Variants in KCNH5 observed in about 807,000 individuals in gnomAD.
KCNH5 encodes voltage-gated delayed rectifier potassium channel KCNH5.
KCNH5 carries 46 observed loss-of-function variants against 96.1 expected under a neutral mutation model. That is an observed-to-expected ratio of 0.48 (90% CI 0.38 to 0.61). KCNH5 has a LOEUF of 0.61. Among genes scored for constraint, KCNH5 ranks in the 20% least tolerant of loss-of-function variants. The probability of loss-of-function intolerance (pLI) is 0.00; values close to 1 mark genes in which losing one functional copy is unlikely to be tolerated. For synonymous variants in KCNH5, 439 were observed against 449.8 expected (o/e 0.98, Z 0.30); for missense variants, 907 against 1,225.8 (o/e 0.74, Z 3.88).
intron 6 of KCNH5, among the ~76,000 whole-genome samples, chr14:62,979,148 C>T (rs1459137994): frequency 6.6e-6 from 1 of 151,938 alleles, no homozygotes; most frequent in East Asian, 1.9e-4. Flanking sequence ...ATCTTTAGGC[C>T]TATACTCTAA....
chr14:62,876,407 G>A (rs180951496), intron 7 of KCNH5, among the ~76,000 whole-genome samples: 36 of 152,216 alleles, frequency 2.4e-4, no homozygotes, highest in Admixed American at 6.5e-4. Flanking sequence ...GAAAGGTGAC[G>A]TATAGTTTAC....
chr14:62,817,678 A>G (rs1443344086), intron 8 of KCNH5, among the ~76,000 whole-genome samples: 1 of 145,632 alleles, frequency 6.9e-6, no homozygotes, highest in Non-Finnish European at 1.5e-5. Context: ...ACTGCCATGG[A>G]AAATTCTAGG....
intron 8 of KCNH5, among the ~76,000 whole-genome samples, chr14:62,808,636 C>A (rs905310442): frequency 6.6e-6 from 1 of 151,972 alleles, no homozygotes; most frequent in Non-Finnish European, 1.5e-5. Context: ...TGGTGTTTTG[C>A]TTTCTTTGGA....
In KCNH5 at chr14:62,845,821, G is replaced by T. The variant is rs937641665; in HGVS notation, c.1569+3832C>A. On this transcript the variant is annotated intron_variant, in intron 8 of 10. Coordinates refer to ENST00000322893, the MANE Select transcript of KCNH5 (RefSeq NM_139318.5). ...CAACTTCACTGGACATGAGTAGGCA[G>T]TTGGAGGGGAGAGTCTATAGTTCAG... Among the ~76,000 whole-genome samples the T allele has an allele frequency of 2.0e-5, 3 of 152,206 alleles. No individual in the cohort carries two copies. The South Asian group carries it at 6.2e-4, about 31-fold the overall frequency.
chr14:63,011,070 G>A (rs1891216138), intron 2 of KCNH5, among the ~76,000 whole-genome samples: 1 of 152,172 alleles, frequency 6.6e-6, no homozygotes, highest in African/African-American at 2.4e-5. Context: ...CAGCTCAGAA[G>A]TGGCCACAAC....
rs528928670 is a variant in KCNH5 at position 62,724,830 on chromosome 14, T to C, written c.2020-16375A>G. 2.0e-5 allele frequency among the ~76,000 whole-genome samples: 3 copies of C among 152,314 alleles called. No individual in the cohort carries two copies. The East Asian group carries it at 5.8e-4, about 29-fold the overall frequency. ...TTAGAAGCCACACTGCCTGTTTCTG[T>C]AGTGTTGCAATTGCCAAGAATTGAA... On this transcript the variant is annotated intron_variant, in intron 10 of 10. Transcript: ENST00000322893.
chr14:62,957,444 T>G (rs1360353589), intron 6 of KCNH5, among the ~76,000 whole-genome samples: 27 of 152,206 alleles, frequency 1.8e-4, no homozygotes. Flanking sequence ...GCACCTACAC[T>G]TTGCATTCTC....
intron 7 of KCNH5, among the ~76,000 whole-genome samples, chr14:62,925,246 G>T (rs1374795511): frequency 2.0e-5 from 3 of 151,914 alleles, no homozygotes; most frequent in Non-Finnish European, 2.9e-5. Flanking sequence ...TTAACTAAAA[G>T]ACATATGTTT....
At chr14:63,016,067 A>T (rs992721205) in intron 2 of KCNH5, among the ~76,000 whole-genome samples, 1 of 151,742 alleles carries the variant, frequency 6.6e-6, no homozygotes, top group Non-Finnish European at 1.5e-5. Context: ...CCTAGAAAAA[A>T]AAAAAATCAG....
intron 7 of KCNH5, among the ~76,000 whole-genome samples, chr14:62,850,982 T>A (rs561245887): frequency 6.6e-6 from 1 of 152,324 alleles, no homozygotes; most frequent in African/African-American, 2.4e-5. Context: ...ATCAGCCAAA[T>A]CCCATTTGAT....
rs757988351 is a variant in KCNH5 at position 62,707,653 on chromosome 14, A to G, written c.2822T>C (p.Ile941Thr). ...LEKQVAEILK[I>T]LSEKSVPQAS... ...CTGGGGTACGCTTTTTTCCGACAGT[A>G]TTTTTAAAATTTCTGCCACCTGCTT... The change falls in exon 11 of 11, where the codon ATA (isoleucine) becomes ACA (threonine). Residue 941 changes from isoleucine to threonine, a missense_variant. Physicochemically the swap from Ile to Thr is moderately conservative, Grantham distance 89. Coordinates refer to ENST00000322893, the MANE Select transcript of KCNH5 (RefSeq NM_139318.5). The G allele has an allele frequency of 2.5e-6, 4 of 1,586,884 alleles. No homozygotes were observed. In the East Asian group the frequency reaches 9.0e-5, roughly 36 times the overall value.
chr14:62,738,495 A>G (rs965507061), intron 10 of KCNH5, among the ~76,000 whole-genome samples: 1 of 152,126 alleles, frequency 6.6e-6, no homozygotes, highest in East Asian at 1.9e-4. Flanking sequence ...AAAGTGTATC[A>G]TCTCATATAA....
At chr14:62,830,747 T>C (rs1291446889) in intron 8 of KCNH5, among the ~76,000 whole-genome samples, 1 of 152,132 alleles carries the variant, frequency 6.6e-6, no homozygotes, top group Non-Finnish European at 1.5e-5. Context: ...CAATTGGTGA[T>C]CCTCTGTGTG....
chr14:62,960,791 G>T (rs1023202443), intron 6 of KCNH5, among the ~76,000 whole-genome samples: 2 of 152,050 alleles, frequency 1.3e-5, no homozygotes, highest in Admixed American at 1.3e-4. Flanking sequence ...AGCTCTACGG[G>T]GAAATAATCC....
Position 62,886,280 on chromosome 14 carries a change from C to T in KCNH5, c.1370-36428G>A, listed in dbSNP as rs148743733. Reference sequence around the variant, plus strand: ...CAACCCAAAAGATAACAGATAAGCACGAAGCAATTCGGCCAAAAACTGCAA... The same window carrying T: ...CAACCCAAAAGATAACAGATAAGCATGAAGCAATTCGGCCAAAAACTGCAA... On this transcript the variant is annotated intron_variant, in intron 7 of 10. Transcript: ENST00000322893. Among the ~76,000 whole-genome samples the T allele has an allele frequency of 4.4e-3, 677 of 152,272 alleles. 2 individuals carry two copies. Among genetic ancestry groups the T allele is most frequent in the Non-Finnish European group, 7.1e-3 (486 of 68,016 alleles).
chr14:62,964,065 A>C (rs1222153501), intron 6 of KCNH5, among the ~76,000 whole-genome samples: 1 of 152,128 alleles, frequency 6.6e-6, no homozygotes, highest in Non-Finnish European at 1.5e-5. Context: ...TACATGAAGA[A>C]GGAGTTCAAA....
chr14:62,800,099 C>T (rs1684664338), intron 9 of KCNH5, among the ~76,000 whole-genome samples: 1 of 151,296 alleles, frequency 6.6e-6, no homozygotes, highest in Non-Finnish European at 1.5e-5. Flanking sequence ...AACAAACAAA[C>T]AAAAAATCCT....
rs1452767961 is a variant in KCNH5, at chr14:62,883,659, C to T, written c.1370-33807G>A. ...AGAATCTATCAATAGTACTAATTACCTCTGTGGAGTAGAATGATGGGATAA... is the reference window on the plus strand; with the variant it reads ...AGAATCTATCAATAGTACTAATTACTTCTGTGGAGTAGAATGATGGGATAA... On this transcript the variant is annotated intron_variant, in intron 7 of 10. Transcript: ENST00000322893. 3.9e-5 allele frequency among the ~76,000 whole-genome samples: 6 copies of T among 151,982 alleles called. No homozygotes were observed. In the South Asian group the frequency reaches 8.3e-4, roughly 21 times the overall value.
At chr14:62,844,053 G>T (rs561061818) in intron 8 of KCNH5, among the ~76,000 whole-genome samples, 1 of 151,906 alleles carries the variant, frequency 6.6e-6, no homozygotes, top group Non-Finnish European at 1.5e-5. Context: ...ATTTTAAAAC[G>T]TTCAAAATTT....
Sources: allele counts gnomAD v4.1 joint callset (sites outside exome capture counted in the v4.1 genomes callset), GRCh38; gene constraint gnomAD v4.1.1; transcripts MANE v1.5; gene names NCBI Gene and HGNC (gene_info 2026-07-23, HGNC 2026-07-21).